RAB37: variants seen among roughly 807,000 people sequenced by gnomAD.
RAB37 encodes ras-related protein Rab-37.
In RAB37, 29 loss-of-function variants were observed where a neutral mutation model predicts 33.1. That is an observed-to-expected ratio of 0.88 (90% confidence interval 0.65 to 1.20). The LOEUF (loss-of-function observed/expected upper bound fraction) is 1.20. Among genes scored for constraint, RAB37 ranks in the 50% most tolerant of loss-of-function variants. The pLI, the probability that RAB37 is intolerant of heterozygous loss-of-function variation, is 0.00. For missense variants in RAB37, 299 were observed against 301.1 expected (o/e 0.99, Z 0.05); for synonymous variants, 128 against 119.5 (o/e 1.07, Z -0.47).
chr17:74,705,460 C>T, intron 1 of RAB37: 2 of 506,244 alleles, frequency 4.0e-6, no homozygotes, highest in Non-Finnish European at 7.2e-6. Context: ...TTGTGGATTT[C>T]CCATTCTGTT....
intron 1 of RAB37, chr17:74,705,386 T>C: frequency 1.6e-6 from 1 of 624,960 alleles, no homozygotes; most frequent in African/African-American, 1.8e-5. Context: ...TGCTATAGGA[T>C]CCATACAACA....
rs1458880276 is a variant in RAB37, at chr17:74,744,755, C to A, written c.433-118C>A. On this transcript the variant is annotated intron_variant, in intron 6 of 8. Transcript: ENST00000392613. This position sits in a 1 kb window ranked among gnomAD's most constrained non-coding sequence, Gnocchi z 4.2. ...AACCCTGGCCCCAGGCCAATCACAC[C>A]TGCCTGCAGTCCCTTGGGCCACCAG... 2 of 1,219,836 alleles carry A rather than the reference C, an allele frequency of 1.6e-6. No individual in the cohort carries two copies. The highest frequency in any genetic ancestry group is 2.3e-5 in the East Asian group (1 of 42,924). The allele number at this position is 1,219,836 out of a possible 1,614,324, so 75.6% of individuals were successfully genotyped here.
At chr17:74,701,847 C>CAAA (rs11321122) in intron 1 of RAB37, among the ~76,000 whole-genome samples, 3 of 86,670 alleles carry the variant, frequency 3.5e-5, no homozygotes, top group Admixed American at 2.4e-4. Flanking sequence ...GAGAATCCGT[C>CAAA]AAAAAAAAAA....
chr17:74,719,451 T>C (rs2034210012), intron 1 of RAB37, among the ~76,000 whole-genome samples: 1 of 152,120 alleles, frequency 6.6e-6, no homozygotes, highest in South Asian at 2.1e-4. Context: ...AGAACTCATC[T>C]CAAAAAAATA....
rs577533115 is a variant in RAB37 at position 74,708,864 on chromosome 17, C to T, written c.73-20392C>T. Reference sequence around the variant, plus strand: ...CGGGGGGGCGGAGCTTGCAGTGAGCCGAGATCGCGCCACTGCACTCCAGCC... The same window carrying T: ...CGGGGGGGCGGAGCTTGCAGTGAGCTGAGATCGCGCCACTGCACTCCAGCC... On this transcript the variant is annotated intron_variant, in intron 1 of 7. Coordinates refer to the RAB37 transcript ENST00000340415. 1.0e-4 allele frequency among the ~76,000 whole-genome samples: 15 copies of T among 149,830 alleles called. No individual in the cohort carries two copies. In the East Asian group the frequency reaches 1.6e-3, roughly 16 times the overall value.
At chr17:74,680,810 C>G (rs1042452937) in intron 1 of RAB37, among the ~76,000 whole-genome samples, 1 of 147,998 alleles carries the variant, frequency 6.8e-6, no homozygotes, top group Admixed American at 6.8e-5. Flanking sequence ...CGTTCATCAT[C>G]GCCAGAGTTG....
intron 1 of RAB37, chr17:74,705,199 C>T (rs917537476): frequency 1.9e-5 from 13 of 701,752 alleles, no homozygotes; most frequent in Admixed American, 1.8e-4. Context: ...TCCACAGGGT[C>T]TTACCTTGAC....
chr17:74,745,072 T>A lies in RAB37; in HGVS notation c.554T>A (p.Leu185Gln). The A allele has an allele frequency of 6.2e-7, 1 of 1,614,186 alleles. No homozygotes were observed. Among genetic ancestry groups the A allele is most frequent in the Non-Finnish European group, 8.5e-7 (1 of 1,180,028 alleles). ...KTGMNVELAF[L>Q]AIAKELKYRA... ...GGCATGAATGTGGAGTTAGCCTTTC[T>A]GGCCATCGCCAAGTGAGAGCTGGGC... Residue 185 changes from leucine to glutamine, a missense_variant, in exon 8 of 9, where the codon CTG becomes CAG. Leu to Gln is a moderately radical substitution (Grantham distance 113). Coordinates refer to ENST00000392613, the MANE Select transcript of RAB37 (RefSeq NM_001006638.3). The surrounding 1 kb of genome is among the most constrained non-coding windows in gnomAD (Gnocchi z 4.5).
intron 1 of RAB37, among the ~76,000 whole-genome samples, chr17:74,714,137 G>A (rs2034118196): frequency 6.6e-6 from 1 of 152,016 alleles, no homozygotes; most frequent in Non-Finnish European, 1.5e-5. Flanking sequence ...CTTGAACCCA[G>A]GCGGCAGAGG....
At chr17:74,690,532 G>A (rs2032139848) in intron 1 of RAB37, among the ~76,000 whole-genome samples, 1 of 152,240 alleles carries the variant, frequency 6.6e-6, no homozygotes, top group African/African-American at 2.4e-5. Context: ...GATGGGGTGC[G>A]GGGATACGGC....
intron 1 of RAB37, chr17:74,702,896 A>T: frequency 1.5e-6 from 1 of 672,740 alleles, no homozygotes; most frequent in Non-Finnish European, 2.6e-6. Context: ...GCAAGTGGGA[A>T]GGGCTCCCAG....
At chr17:74,735,061 G>GAAAGAAAGAAAGAAAGAGAA (rs1555594315), upstream of RAB37, among the ~76,000 whole-genome samples, 1 of 105,624 alleles carries the variant, frequency 9.5e-6, no homozygotes, top group Non-Finnish European at 1.9e-5. Context: ...AAGAAAGAAA[G>GAAAGAAAGAAAGAAAGAGAA]AGAAAGAAAG....
chr17:74,730,181 G>C lies in RAB37; in HGVS notation c.183+815G>C, dbSNP rs2034367628. 6.6e-6 allele frequency among the ~76,000 whole-genome samples: 1 copy of C among 152,312 alleles called. No homozygotes were observed. Among genetic ancestry groups the C allele is most frequent in the East Asian group, 1.9e-4 (1 of 5,182 alleles). ...CTCCTCTCTCGGGCTGTGGCAGGAA[G>C]AGCAGGGCCTTCCCTTGGGACTCCA... On this transcript the variant is annotated intron_variant, in intron 2 of 7. Transcript: ENST00000340415. The surrounding 1 kb of genome is among the most constrained non-coding windows in gnomAD (Gnocchi z 4.4).
rs115323748 is a variant in RAB37, at chr17:74,744,410, A to C, written c.432+37A>C. 6.2e-7 allele frequency: 1 copy of C among 1,602,918 alleles called. No individual in the cohort carries two copies. On this transcript the variant is annotated intron_variant, in intron 6 of 8. Coordinates refer to ENST00000392613, the MANE Select transcript of RAB37 (RefSeq NM_001006638.3). The surrounding 1 kb of genome is among the most constrained non-coding windows in gnomAD (Gnocchi z 4.2). ...CGGGGCAGGGTCAGCCCAGCCCTGC[A>C]CTTCCTCAGCCCTAGCCGGCCCCAT... is the stretch of plus-strand genomic sequence containing the variant.
At chr17:74,733,845 G>A (rs1387403214), upstream of RAB37, among the ~76,000 whole-genome samples, 1 of 151,964 alleles carries the variant, frequency 6.6e-6, no homozygotes, top group African/African-American at 2.4e-5. Context: ...CATTACAGTG[G>A]CCCTGGGGAC....
At position 74,704,756 on chromosome 17, in the gene RAB37, G is replaced by A. The variant is rs778379503; in HGVS notation, c.73-24500G>A. 48 of 1,614,030 alleles carry A rather than the reference G, an allele frequency of 3.0e-5. 1 individual carries two copies. In the Admixed American group the frequency reaches 4.0e-4, roughly 13 times the overall value. ...TCTGTAAACACACTGCACGGTCAAGGAGCCCCGCTCCAAGCCATTCACTGT... is the reference window on the plus strand; with the variant it reads ...TCTGTAAACACACTGCACGGTCAAGAAGCCCCGCTCCAAGCCATTCACTGT... On this transcript the variant is annotated intron_variant, in intron 1 of 7. Transcript: ENST00000340415.
intron 1 of RAB37, among the ~76,000 whole-genome samples, chr17:74,701,995 T>A (rs1052849245): frequency 6.6e-6 from 1 of 151,540 alleles, no homozygotes. Context: ...CACTCAAGTC[T>A]GAGCTACAGA....
At chr17:74,684,641 T>C (rs1486086083) in intron 1 of RAB37, among the ~76,000 whole-genome samples, 1 of 151,738 alleles carries the variant, frequency 6.6e-6, no homozygotes, top group Non-Finnish European at 1.5e-5. Context: ...TACAAAAAAG[T>C]TAGTCGCGCA....
At position 74,742,083 on chromosome 17, in the gene RAB37, AG is replaced by A. The variant is rs1042564424; in HGVS notation, c.205-169del. ...CTCAGAAGGGACGACTCCACAGTGG[AG>A]GTGTCTGGGTATGGGGTTCCTGCTG... On this transcript the variant is annotated intron_variant, in intron 2 of 8. Transcript: ENST00000392613. This position sits in a 1 kb window ranked among gnomAD's most constrained non-coding sequence, Gnocchi z 4.0. 2.0e-5 allele frequency among the ~76,000 whole-genome samples: 3 copies of A among 152,076 alleles called. No homozygotes were observed. The highest frequency in any genetic ancestry group is 6.6e-5 in the Admixed American group (1 of 15,264).
Sources: gnomAD v4.1 joint callset for allele counts (sites outside exome capture counted in the v4.1 genomes callset) on GRCh38, gnomAD v4.1.1 for gene constraint, Gnocchi (gnomAD v3.1) non-coding constraint, MANE v1.5 for transcripts, NCBI Gene and HGNC (gene_info 2026-07-23, HGNC 2026-07-21) for gene names.